DOCK1: variants seen among roughly 807,000 people sequenced by gnomAD.
The protein encoded by DOCK1 is dedicator of cytokinesis 1.
Under a neutral mutation model 262.7 loss-of-function variants are expected in DOCK1, and 138 were observed. The observed-to-expected ratio is 0.53, with a 90% CI of 0.46 to 0.61. The LOEUF (loss-of-function observed/expected upper bound fraction) is 0.61, where lower values mean the gene tolerates loss of function less well. Among genes scored for constraint, DOCK1 ranks in the 20% least tolerant of loss-of-function variants. The probability of loss-of-function intolerance (pLI) is 0.00; values close to 1 mark genes in which losing one functional copy is unlikely to be tolerated. For missense variants in DOCK1, 1,908 were observed against 2,370.7 expected, an observed-to-expected ratio of 0.80 and a Z score of 4.05; for synonymous variants, 866 against 867.4, an observed-to-expected ratio of 1.00 and a Z score of 0.03.
At chr10:126,932,342 A>T (rs981692651) in intron 1 of DOCK1, among the ~76,000 whole-genome samples, 5 of 152,336 alleles carry the variant, frequency 3.3e-5, no homozygotes, top group Admixed American at 6.5e-5. Context: ...GCCCAGCCTG[A>T]GCAAAATAGT....
chr10:127,164,271 C>T (rs558504201), intron 27 of DOCK1, among the ~76,000 whole-genome samples: 65 of 142,612 alleles, frequency 4.6e-4, no homozygotes, highest in African/African-American at 1.6e-3. Flanking sequence ...GCAAACTCCA[C>T]CTCCCAGGTT....
At chr10:127,336,008 G>C (rs984616633) in intron 29 of DOCK1, among the ~76,000 whole-genome samples, 24 of 151,780 alleles carry the variant, frequency 1.6e-4, no homozygotes, top group African/African-American at 5.6e-4. Flanking sequence ...GAGCCACCAT[G>C]CCCAGCCTGT....
In DOCK1 at chr10:127,304,665, GC is replaced by G. The variant is rs1369496682; in HGVS notation, c.3045-34340del. ...TTTTGGGAGGTGAGGTGAGAGGCTTGCTTGAGCCCAGGTGTTTGAGACCAGC... is the reference window on the plus strand; with the variant it reads ...TTTTGGGAGGTGAGGTGAGAGGCTTGTTGAGCCCAGGTGTTTGAGACCAGC... On this transcript the variant is annotated intron_variant, in intron 29 of 51. Coordinates refer to ENST00000623213, the MANE Select transcript of DOCK1 (RefSeq NM_001290223.2). 6.6e-5 allele frequency among the ~76,000 whole-genome samples: 10 copies of G among 152,208 alleles called. No homozygotes were observed. The East Asian group carries it at 1.9e-3, about 29-fold the overall frequency.
chr10:127,321,205 C>G (rs1469104329), intron 29 of DOCK1, among the ~76,000 whole-genome samples: 1 of 147,054 alleles, frequency 6.8e-6, no homozygotes, highest in Non-Finnish European at 1.5e-5. Context: ...CGCTCTATCT[C>G]TCTCCCTCTC....
chr10:127,083,837 A>G (rs1046458853), intron 23 of DOCK1, among the ~76,000 whole-genome samples: 1 of 152,226 alleles, frequency 6.6e-6, no homozygotes, highest in African/African-American at 2.4e-5. Flanking sequence ...GAGAGAAAAC[A>G]AATTACAGGC....
intron 1 of DOCK1, among the ~76,000 whole-genome samples, chr10:126,928,104 C>T (rs1591345717): frequency 2.0e-5 from 3 of 152,154 alleles, no homozygotes; most frequent in Non-Finnish European, 4.4e-5. Flanking sequence ...AGCCTCGTGT[C>T]GCTCGTTGGA....
intron 12 of DOCK1, chr10:127,016,497 C>A (rs2135366224): frequency 6.6e-6 from 1 of 152,460 alleles, no homozygotes; most frequent in South Asian, 2.1e-4. Context: ...CTGTCGGTTA[C>A]CTCCCAGTGC....
Position 127,026,966 on chromosome 10 carries a change from C to G in DOCK1, c.1624+542C>G, listed in dbSNP as rs146310835. On this transcript the variant is annotated intron_variant, in intron 16 of 51. Coordinates refer to ENST00000623213, the MANE Select transcript of DOCK1 (RefSeq NM_001290223.2). ...TTGATGACTGAAATTTGTTCCATCA[C>G]ATTTTGTTAAATTAATTGTCAACTA... Among the ~76,000 whole-genome samples, 285 of 152,366 alleles carry G rather than the reference C, an allele frequency of 1.9e-3. 1 individual carries two copies. The highest frequency in any genetic ancestry group is 6.7e-3 in the African/African-American group (279 of 41,588).
chr10:127,093,314 C>T (rs1323921314), intron 23 of DOCK1, among the ~76,000 whole-genome samples: 4 of 136,276 alleles, frequency 2.9e-5, no homozygotes, highest in South Asian at 2.5e-4. Flanking sequence ...GGCGTGATCT[C>T]GGCTCACTGC....
chr10:127,172,027 C>T (rs2054619540), intron 27 of DOCK1, among the ~76,000 whole-genome samples: 1 of 152,156 alleles, frequency 6.6e-6, no homozygotes, highest in African/African-American at 2.4e-5. Flanking sequence ...TTAACTTGGT[C>T]ATTTGAGTTC....
intron 30 of DOCK1, among the ~76,000 whole-genome samples, chr10:127,340,769 A>G (rs1048953208): frequency 7.9e-5 from 12 of 151,922 alleles, no homozygotes; most frequent in African/African-American, 2.9e-4. Context: ...TTTTGTTTTT[A>G]TTGTCATTTT....
chr10:127,437,357 C>T lies in DOCK1; in HGVS notation c.5061-1670C>T, dbSNP rs1483968082. 3.3e-5 allele frequency among the ~76,000 whole-genome samples: 5 copies of T among 152,172 alleles called. No homozygotes were observed. The highest frequency in any genetic ancestry group is 1.9e-4 in the East Asian group (1 of 5,194). ...AGTCTGCATCTTCAGCAGATTTAAG[C>T]GCAGTTTTGCAAATGATCCTTCCCT... On this transcript the variant is annotated intron_variant, in intron 48 of 51. Transcript: ENST00000623213. This position sits in a 1 kb window ranked among gnomAD's most constrained non-coding sequence, Gnocchi z 4.4.
intron 38 of DOCK1, among the ~76,000 whole-genome samples, chr10:127,387,929 T>C (rs1001471365): frequency 2.6e-5 from 4 of 151,142 alleles, no homozygotes; most frequent in Admixed American, 6.6e-5. Context: ...AAAAATCATA[T>C]GGAGGGGCAA....
intron 27 of DOCK1, among the ~76,000 whole-genome samples, chr10:127,237,541 C>T (rs995852897): frequency 7.2e-5 from 11 of 152,164 alleles, no homozygotes; most frequent in African/African-American, 2.4e-4. Flanking sequence ...AAGCCATTCC[C>T]GTACTTAAGA....
intron 29 of DOCK1, among the ~76,000 whole-genome samples, chr10:127,300,284 T>C (rs919400227): frequency 1.3e-5 from 2 of 152,240 alleles, no homozygotes; most frequent in Admixed American, 1.3e-4. Context: ...CTGCCTCTCC[T>C]GTGCGGCTTC....
chr10:127,411,857 G>A (rs981732526), intron 43 of DOCK1, among the ~76,000 whole-genome samples: 2 of 152,158 alleles, frequency 1.3e-5, no homozygotes, highest in Non-Finnish European at 2.9e-5. Context: ...AAAGTTTCCA[G>A]ACATTGCAAA....
At chr10:127,221,192 A>G (rs12240417) in intron 27 of DOCK1, among the ~76,000 whole-genome samples, 4,622 of 152,300 alleles carry the variant, frequency 0.03, 225 homozygotes, top group African/African-American at 0.11. Flanking sequence ...TGTGGGTGGA[A>G]CCATTATCAA....
intron 43 of DOCK1, 49 bp downstream of exon 43, chr10:127,410,973 G>T (rs10830001): frequency 2.7e-5 from 42 of 1,570,168 alleles, no homozygotes; most frequent in Non-Finnish European, 3.3e-5. Context: ...ATATCATTCC[G>T]CCACCAGTAG....
chr10:127,044,611 C>T (rs1190469233), intron 21 of DOCK1, among the ~76,000 whole-genome samples: 1 of 152,058 alleles, frequency 6.6e-6, no homozygotes, highest in African/African-American at 2.4e-5. Context: ...ACGGCCTCCA[C>T]GTGTGCTCAT....
Sources: allele counts gnomAD v4.1 joint callset (sites outside exome capture counted in the v4.1 genomes callset), GRCh38; gene constraint gnomAD v4.1.1; non-coding constraint Gnocchi (gnomAD v3.1); transcripts MANE v1.5; gene names NCBI Gene and HGNC (gene_info 2026-07-23, HGNC 2026-07-21).